PHRF1: variants seen among roughly 807,000 people sequenced by gnomAD.
PHRF1 encodes PHD and ring finger domains 1.
A neutral mutation model predicts 128.9 loss-of-function variants in PHRF1; 53 were observed. The observed-to-expected ratio is 0.41, with a 90% confidence interval of 0.33 to 0.52. The LOEUF (loss-of-function observed/expected upper bound fraction) is 0.52. PHRF1 is among the 20% of genes least tolerant of loss of function. PHRF1 has a pLI of 0.21. For synonymous variants in PHRF1, 1,178 were observed against 980.6 expected (o/e 1.20, Z -3.76); for missense variants, 2,503 against 2,284.5 (o/e 1.10, Z -1.95).
chr11:593,310 A>G (rs1855091828), intron 6 of PHRF1, among the ~76,000 whole-genome samples: 1 of 152,230 alleles, frequency 6.6e-6, no homozygotes, highest in African/African-American at 2.4e-5. Flanking sequence ...GATTCTGGAA[A>G]TCTTTCCCTT....
intron 3 of PHRF1, among the ~76,000 whole-genome samples, chr11:584,542 G>A (rs1051599116): frequency 6.6e-6 from 1 of 152,032 alleles, no homozygotes; most frequent in Non-Finnish European, 1.5e-5. Flanking sequence ...AATCCAAGCT[G>A]CCACCTGAGG....
At chr11:590,738 T>C (rs1043717089) in intron 4 of PHRF1, among the ~76,000 whole-genome samples, 2 of 152,154 alleles carry the variant, frequency 1.3e-5, no homozygotes, top group Non-Finnish European at 2.9e-5. Flanking sequence ...AGTTTGGCTC[T>C]TGTCACCCAA....
Position 597,357 on chromosome 11 carries a change from T to C in PHRF1, c.719-38T>C. The C allele has an allele frequency of 6.3e-7, 1 of 1,593,356 alleles. No individual in the cohort carries two copies. Among genetic ancestry groups the C allele is most frequent in the Non-Finnish European group, 8.6e-7 (1 of 1,168,192 alleles). On this transcript the variant is annotated intron_variant, in intron 7 of 17. Transcript: ENST00000264555. The surrounding 1 kb of genome is among the most constrained non-coding windows in gnomAD (Gnocchi z 6.5). ...GAGCCGTTGGGGGAGGCGTGTGGCC[T>C]GTGAGTGTGGCACATCAGCCCTGGT...
chr11:580,677 G>C (rs1039238354), intron 1 of PHRF1, among the ~76,000 whole-genome samples: 2 of 152,190 alleles, frequency 1.3e-5, no homozygotes, highest in Admixed American at 1.3e-4. Flanking sequence ...ATATGGTGTT[G>C]CGATTCCTCA....
intron 10 of PHRF1, 28 bp downstream of exon 10, chr11:601,729 C>G (rs1438640066): frequency 6.2e-7 from 1 of 1,612,960 alleles, no homozygotes; most frequent in Non-Finnish European, 8.5e-7. Flanking sequence ...GGGCCTGAGT[C>G]TCCTGCTGGC....
intron 4 of PHRF1, 139 bp downstream of exon 4, chr11:587,603 G>C: frequency 1.1e-6 from 1 of 869,782 alleles, no homozygotes; most frequent in South Asian, 1.7e-5. Flanking sequence ...GATTGAGTCT[G>C]GCTTGGTCTT....
At chr11:611,557 C>T in intron 17 of PHRF1, 77 bp from the exon 18 acceptor site, 2 of 1,596,704 alleles carry the variant, frequency 1.3e-6, no homozygotes, top group Non-Finnish European at 1.7e-6. Flanking sequence ...GGCGAGGGAG[C>T]CCAGCTTTGG....
intron 3 of PHRF1, among the ~76,000 whole-genome samples, chr11:582,854 G>A (rs1284471651): frequency 6.6e-6 from 1 of 150,468 alleles, no homozygotes; most frequent in African/African-American, 2.4e-5. Flanking sequence ...CCAGCATAGT[G>A]AAACCCCCTC....
At chr11:610,090 T>A (rs1025729549) in intron 14 of PHRF1, 106 bp from the exon 15 acceptor site, 1 of 1,387,304 alleles carries the variant, frequency 7.2e-7, no homozygotes, top group African/African-American at 1.5e-5. Context: ...AGGGCTGCTC[T>A]GTGGTCCTTG....
chr11:588,625 C>T (rs1334755954), intron 4 of PHRF1, among the ~76,000 whole-genome samples: 2 of 152,004 alleles, frequency 1.3e-5, no homozygotes, highest in Non-Finnish European at 2.9e-5. Flanking sequence ...GTGATCCACC[C>T]GTCTCGGCCT....
In PHRF1 at chr11:601,267, T is replaced by G. The variant is rs373518205; in HGVS notation, c.1025-307T>G. Among the ~76,000 whole-genome samples the G allele has an allele frequency of 3.3e-5, 5 of 149,758 alleles. No individual in the cohort carries two copies. In the East Asian group the frequency reaches 1.0e-3, roughly 30 times the overall value. ...AGCCTGGGCAACATGATAAGCCCTA[T>G]CTATAAAAAAAATTAGCTGGGCACG... On this transcript the variant is annotated intron_variant, in intron 9 of 17. Coordinates refer to ENST00000264555, the MANE Select transcript of PHRF1 (RefSeq NM_001286581.2).
In PHRF1 at chr11:610,573, C is replaced by A; in HGVS notation, c.4489C>A (p.Pro1497Thr). Reference sequence around the variant, plus strand: ...CCCACCCTGCGCACTGGTCAGCCAGCCCACGGTCCAGTTCATCCTTCAGGG... The same window carrying A: ...CCCACCCTGCGCACTGGTCAGCCAGACCACGGTCCAGTTCATCCTTCAGGG... The part of the protein sequence containing the change: ...SIPPCALVSQ[P>T]TVQFILQGSL... Residue 1497 changes from proline to threonine, a missense_variant, in exon 16 of 18, where the codon CCC becomes ACC. Transcript: ENST00000264555. 6.2e-7 allele frequency: 1 copy of A among 1,606,364 alleles called. No individual in the cohort carries two copies.
chr11:601,523 G>T, intron 9 of PHRF1, 51 bp from the exon 10 acceptor site: 1 of 1,610,826 alleles, frequency 6.2e-7, no homozygotes, highest in East Asian at 2.2e-5. Context: ...CAGGAATGGG[G>T]CAGGGAGGGC....
intron 14 of PHRF1, 111 bp downstream of exon 14, chr11:609,831 A>G (rs937887691): frequency 6.8e-6 from 5 of 735,196 alleles, no homozygotes; most frequent in Non-Finnish European, 8.4e-6. Context: ...CACCGAGGAC[A>G]GAGCCCCCCG....
intron 3 of PHRF1, among the ~76,000 whole-genome samples, chr11:585,919 T>C (rs1854526142): frequency 1.3e-5 from 2 of 151,896 alleles, no homozygotes; most frequent in Admixed American, 1.3e-4. Flanking sequence ...TGGAGTGCAA[T>C]CGTGCAGTCT....
At chr11:588,049 C>T (rs1854686479) in intron 4 of PHRF1, among the ~76,000 whole-genome samples, 1 of 152,038 alleles carries the variant, frequency 6.6e-6, no homozygotes. Flanking sequence ...CTCATGAGTC[C>T]CCGACCTCTG....
chr11:605,518 CCATCCTCCTCCGTGCCGTCT>C, intron 11 of PHRF1, 67 bp from the exon 12 acceptor site: 1 of 1,558,918 alleles, frequency 6.4e-7, no homozygotes, highest in South Asian at 1.2e-5. Flanking sequence ...CAGTGCTCGG[CCATCCTCCTCCGTGCCGTCT>C]CCCTGGGCTG....
At chr11:593,168 T>C (rs577311415) in intron 6 of PHRF1, among the ~76,000 whole-genome samples, 25 of 152,384 alleles carry the variant, frequency 1.6e-4, no homozygotes, top group African/African-American at 5.5e-4. Context: ...CCCGGGAGCC[T>C]GTGACACTTG....
chr11:597,644 G>A lies in PHRF1; in HGVS notation c.894+74G>A, dbSNP rs1167486378. 12 of 1,503,498 alleles carry A rather than the reference G, an allele frequency of 8.0e-6. No homozygotes were observed. The East Asian group carries it at 2.7e-4, about 34-fold the overall frequency. 93.1% of individuals were successfully genotyped at this position (1,503,498 alleles called of 1,614,324 possible). A position where few individuals can be genotyped will look rare whatever the true frequency, so the allele number is the denominator to read the frequency against. On this transcript the variant is annotated intron_variant, in intron 8 of 17. Coordinates refer to ENST00000264555, the MANE Select transcript of PHRF1 (RefSeq NM_001286581.2). The surrounding 1 kb of genome is among the most constrained non-coding windows in gnomAD (Gnocchi z 6.5). ...GTGATCTCGGCAGTCTGGGTGGGTG[G>A]GAGGGGCGTCGTCGGCACTGTGGGG...
Sources: allele counts gnomAD v4.1 joint callset (sites outside exome capture counted in the v4.1 genomes callset), GRCh38; gene constraint gnomAD v4.1.1; non-coding constraint Gnocchi (gnomAD v3.1); transcripts MANE v1.5; gene names NCBI Gene and HGNC (gene_info 2026-07-23, HGNC 2026-07-21).